TBCD: variants seen among roughly 807,000 people sequenced by gnomAD.
The protein encoded by TBCD is tubulin-specific chaperone D.
A neutral mutation model predicts 169.3 loss-of-function variants in TBCD; 105 were observed. The observed-to-expected ratio is 0.62, with a 90% CI of 0.53 to 0.73. The LOEUF (loss-of-function observed/expected upper bound fraction) is 0.73, where lower values mean the gene tolerates loss of function less well. Ranked by LOEUF, TBCD falls within the 30% of genes least tolerant of loss-of-function variation. The probability of loss-of-function intolerance (pLI) is 0.00; values close to 1 mark genes in which losing one functional copy is unlikely to be tolerated. For synonymous variants in TBCD, 700 were observed against 643.9 expected (o/e 1.09, Z -1.32); for missense variants, 1,444 against 1,600.1 (o/e 0.90, Z 1.66).
In TBCD at chr17:82,944,966, C is replaced by T. The variant is rs1482462655; in HGVS notation, c.*2503C>T. The T allele has an allele frequency of 2.0e-5, 3 of 152,342 alleles. No individual in the cohort carries two copies. In the East Asian group the frequency reaches 5.8e-4, roughly 29 times the overall value. The allele number at this position is 152,342 out of a possible 1,614,324, so 9.4% of individuals were successfully genotyped here. ...CTGAAGTGGCCTGAATTAATACTAC[C>T]TGTATGATCCCCAAAACTCCTAAAG... On this transcript the variant is annotated 3_prime_UTR_variant, in exon 39 of 39. Transcript: ENST00000355528.
At chr17:82,776,457 AG>A (rs949280716) in intron 6 of TBCD, among the ~76,000 whole-genome samples, 2 of 152,230 alleles carry the variant, frequency 1.3e-5, no homozygotes, top group African/African-American at 4.8e-5. Context: ...AAAGATATAT[AG>A]GTAATTCTTA....
Sources: allele counts gnomAD v4.1 joint callset (sites outside exome capture counted in the v4.1 genomes callset), GRCh38; gene constraint gnomAD v4.1.1; transcripts MANE v1.5; gene names NCBI Gene and HGNC (gene_info 2026-07-23, HGNC 2026-07-21).